LRSAM1: variants seen among roughly 807,000 people sequenced by gnomAD.
LRSAM1 encodes the protein E3 ubiquitin-protein ligase LRSAM1.
LRSAM1 carries 96 observed loss-of-function variants against 118.1 expected under a neutral mutation model. The observed-to-expected ratio is 0.81, with a 90% CI of 0.69 to 0.96. The LOEUF is 0.96. LRSAM1 is among the 40% of genes least tolerant of loss of function. The pLI, the probability that LRSAM1 is intolerant of heterozygous loss-of-function variation, is 0.00. For synonymous variants in LRSAM1, 322 were observed against 364.2 expected, an observed-to-expected ratio of 0.88 and a Z score of 1.32; for missense variants, 804 against 915.5, an observed-to-expected ratio of 0.88 and a Z score of 1.57.
Position 127,501,284 on chromosome 9 carries a change from A to G in LRSAM1, c.2046+141A>G, listed in dbSNP as rs971403857. 3.5e-6 allele frequency: 4 copies of G among 1,150,188 alleles called. No individual in the cohort carries two copies. In the African/African-American group the frequency reaches 6.2e-5, roughly 18 times the overall value. The allele number at this position is 1,150,188 out of a possible 1,614,324, so 71.2% of individuals were successfully genotyped here. On this transcript the variant is annotated intron_variant, in intron 25 of 25. Coordinates refer to ENST00000300417, the MANE Select transcript of LRSAM1 (RefSeq NM_001005373.4). ...TCATCTAGAAAGAAGGCAGGAAATA[A>G]AGATGACCCCTGGTCCCATGACCCA...
chr9:127,461,218 AT>A lies in LRSAM1; in HGVS notation c.369del (p.Ile123MetfsTer4). 1 of 1,612,368 alleles carries A rather than the reference AT, an allele frequency of 6.2e-7. No individual in the cohort carries two copies. Among genetic ancestry groups the A allele is most frequent in the Non-Finnish European group, 8.5e-7 (1 of 1,178,790 alleles). ...RNQLMQLPRS[I>X]GNLTQLQTLN... ...TCAACTGATGCAGCTCCCACGTTCCATTGGGAACCTGACCCAGCTCCAGACT... is the reference window on the plus strand; with the variant it reads ...TCAACTGATGCAGCTCCCACGTTCCATGGGAACCTGACCCAGCTCCAGACT... On this transcript the variant is annotated frameshift_variant, in exon 8 of 26. Coordinates refer to ENST00000300417, the MANE Select transcript of LRSAM1 (RefSeq NM_001005373.4). LOFTEE classifies it high-confidence loss of function.
chr9:127,467,534 C>G (rs1835002818), intron 9 of LRSAM1, among the ~76,000 whole-genome samples: 2 of 152,180 alleles, frequency 1.3e-5, no homozygotes, highest in Admixed American at 1.3e-4. Context: ...CAGGTTAAAA[C>G]AAGGTAGGGC....
At chr9:127,499,278 G>T (rs1449565954) in intron 24 of LRSAM1, among the ~76,000 whole-genome samples, 1 of 152,226 alleles carries the variant, frequency 6.6e-6, no homozygotes, top group Non-Finnish European at 1.5e-5. Flanking sequence ...GGGGGCAAAG[G>T]TGGGAGGATC....
At position 127,479,852 on chromosome 9, in the gene LRSAM1, T is replaced by C. The variant is rs140151379; in HGVS notation, c.917T>C (p.Leu306Pro). ...LQTVKEEQSRLEQGLSEHQRH... is the reference protein window; with the variant it reads ...LQTVKEEQSRPEQGLSEHQRH... ...CTCCGGCTGCAGGAGCAGTCCCGGC[T>C]GGAGCAGGGCCTGAGTGAGCACCAG... is the stretch of plus-strand genomic sequence containing the variant. Residue 306 changes from leucine to proline, a missense_variant, in exon 14 of 26, where the codon CTG becomes CCG. Physicochemically the swap from Leu to Pro is moderately conservative, Grantham distance 98. Transcript: ENST00000300417. The C allele has an allele frequency of 6.2e-7, 1 of 1,611,934 alleles. No individual in the cohort carries two copies. The highest frequency in any genetic ancestry group is 8.5e-7 in the Non-Finnish European group (1 of 1,178,556).
At chr9:127,475,889 C>T (rs953455837) in intron 11 of LRSAM1, among the ~76,000 whole-genome samples, 5 of 151,978 alleles carry the variant, frequency 3.3e-5, no homozygotes, top group Non-Finnish European at 5.9e-5. Flanking sequence ...TACAGGGATG[C>T]GCCACCATGC....
At chr9:127,491,126 A>T in intron 19 of LRSAM1, 89 bp from the exon 20 acceptor site, 1 of 1,107,924 alleles carries the variant, frequency 9.0e-7, no homozygotes, top group Non-Finnish European at 1.4e-6. Context: ...AAGGCTTCTT[A>T]GACCCACTTG....
chr9:127,469,635 A>G (rs905423581), intron 10 of LRSAM1, among the ~76,000 whole-genome samples: 4 of 152,020 alleles, frequency 2.6e-5, no homozygotes, highest in African/African-American at 9.7e-5. Flanking sequence ...AAAAAAACAA[A>G]AAACTTCCTG....
At chr9:127,481,255 A>ATTTTTTT in intron 15 of LRSAM1, 28 bp downstream of exon 15, 1 of 1,490,408 alleles carries the variant, frequency 6.7e-7, no homozygotes, top group Non-Finnish European at 9.1e-7. Flanking sequence ...GGAGGGCAGC[A>ATTTTTTT]TTTTTTTTTT....
At position 127,474,495 on chromosome 9, in the gene LRSAM1, T is replaced by C. The variant is rs532284063; in HGVS notation, c.750+564T>C. On this transcript the variant is annotated intron_variant, in intron 11 of 25. Transcript: ENST00000300417. ...AAGCTCCAGTCGAGGTCAGGTCTCCTGTTGTGTGTTCTCAGAGTGCCCTGC... is the reference window on the plus strand; with the variant it reads ...AAGCTCCAGTCGAGGTCAGGTCTCCCGTTGTGTGTTCTCAGAGTGCCCTGC... Among the ~76,000 whole-genome samples the C allele has an allele frequency of 1.0e-3, 159 of 152,278 alleles. 1 individual carries two copies. Among genetic ancestry groups the C allele is most frequent in the East Asian group, 3.9e-4 (2 of 5,186 alleles).
At position 127,459,057 on chromosome 9, in the gene LRSAM1, C is replaced by T. The variant is rs1226381296; in HGVS notation, c.307C>T (p.Leu103=). 6.2e-7 allele frequency: 1 copy of T among 1,613,648 alleles called. No individual in the cohort carries two copies. ...AGCCCTTCCTGACGATCTGGGGCAG[C>T]TGACTGCCCTCCAGGTAAGGCTGCA... ...LTALPDDLGQ[L]TALQVLNVER... Residue 103 remains leucine (L), a synonymous_variant, in exon 7 of 26, where the codon CTG becomes TTG. Coordinates refer to ENST00000300417, the MANE Select transcript of LRSAM1 (RefSeq NM_001005373.4).
chr9:127,454,536 C>A lies in LRSAM1; in HGVS notation c.9C>A (p.Leu3=), dbSNP rs540942030. ...TCTGGGAAAAGGGAAGGATGCCGCTCTTCTTCCGGAAGCGGAAACCCAGTG... is the reference window on the plus strand; with the variant it reads ...TCTGGGAAAAGGGAAGGATGCCGCTATTCTTCCGGAAGCGGAAACCCAGTG... MP[L]FFRKRKPSEE... is the part of the protein sequence containing the mutation. Residue 3 remains leucine (L), a synonymous_variant, in exon 3 of 26, where the codon CTC becomes CTA. Coordinates refer to ENST00000300417, the MANE Select transcript of LRSAM1 (RefSeq NM_001005373.4). The A allele has an allele frequency of 6.2e-7, 1 of 1,614,224 alleles. No individual in the cohort carries two copies. The highest frequency in any genetic ancestry group is 1.7e-5 in the Admixed American group (1 of 60,022).
chr9:127,489,220 A>C (rs1005524508), intron 18 of LRSAM1, among the ~76,000 whole-genome samples: 3 of 152,164 alleles, frequency 2.0e-5, no homozygotes, highest in African/African-American at 7.2e-5. Context: ...ACTGTGGTGG[A>C]AACTCAGGGT....
chr9:127,461,132 G>A (rs765326804), intron 7 of LRSAM1, 41 bp from the exon 8 acceptor site: 16 of 1,531,850 alleles, frequency 1.0e-5, no homozygotes, highest in African/African-American at 1.4e-5. Flanking sequence ...GGGATTACAG[G>A]CATAAGCCAC....
chr9:127,495,312 C>G lies in LRSAM1; in HGVS notation c.1600-8C>G. On this transcript the variant is annotated splice_region_variant and splice_polypyrimidine_tract_variant and intron_variant, in intron 21 of 25. Coordinates refer to ENST00000300417, the MANE Select transcript of LRSAM1 (RefSeq NM_001005373.4). ...TGTGACTAACATTGCCTGCTTCATT[C>G]CTGGCAGACGGAGTTAGAAGCCAAA... 6.2e-7 allele frequency: 1 copy of G among 1,613,006 alleles called. No individual in the cohort carries two copies. Among genetic ancestry groups the G allele is most frequent in the Non-Finnish European group, 8.5e-7 (1 of 1,179,064 alleles).
intron 20 of LRSAM1, among the ~76,000 whole-genome samples, chr9:127,492,531 T>C (rs539010561): frequency 6.6e-6 from 1 of 152,384 alleles, no homozygotes; most frequent in South Asian, 2.1e-4. Context: ...CAGGCACCTG[T>C]GGCTTGTCAT....
chr9:127,484,892 C>T lies in LRSAM1; in HGVS notation c.1160-844C>T, dbSNP rs1161444939. Reference sequence around the variant, plus strand: ...GGCATGATCTCAGCTCACGCAACCTCTGCCTCCCGGGTTCAAGCGATTCTC... The same window carrying T: ...GGCATGATCTCAGCTCACGCAACCTTTGCCTCCCGGGTTCAAGCGATTCTC... On this transcript the variant is annotated intron_variant, in intron 16 of 25. Coordinates refer to ENST00000300417, the MANE Select transcript of LRSAM1 (RefSeq NM_001005373.4). Among the ~76,000 whole-genome samples the T allele has an allele frequency of 3.3e-5, 5 of 150,548 alleles. No individual in the cohort carries two copies. In the East Asian group the frequency reaches 9.8e-4, roughly 29 times the overall value.
intron 10 of LRSAM1, among the ~76,000 whole-genome samples, chr9:127,468,207 G>A (rs1314806813): frequency 6.6e-6 from 1 of 152,174 alleles, no homozygotes; most frequent in African/African-American, 2.4e-5. Flanking sequence ...TGTAGCTGGA[G>A]GGAGGAAGCA....
intron 22 of LRSAM1, 72 bp downstream of exon 22, chr9:127,495,490 C>T: frequency 8.0e-7 from 1 of 1,244,604 alleles, no homozygotes; most frequent in Non-Finnish European, 1.2e-6. Flanking sequence ...TGTGGTGCCT[C>T]CACCATGCTC....
At chr9:127,495,803 C>G (rs974079854) in intron 22 of LRSAM1, among the ~76,000 whole-genome samples, 161 bp from the exon 23 acceptor site, 3 of 150,344 alleles carry the variant, frequency 2.0e-5, no homozygotes, top group African/African-American at 7.3e-5. Context: ...CTGGGCCTAT[C>G]TATCTATCTA....
Sources: allele counts gnomAD v4.1 joint callset (sites outside exome capture counted in the v4.1 genomes callset), GRCh38; gene constraint gnomAD v4.1.1; transcripts MANE v1.5; gene names NCBI Gene and HGNC (gene_info 2026-07-23, HGNC 2026-07-21).